Variants in KLF13 observed in about 807,000 individuals in gnomAD.
KLF13 encodes KLF transcription factor 13, also known as Krueppel-like factor 13.
A neutral mutation model predicts 16.7 loss-of-function variants in KLF13; 8 were observed. The ratio of observed to expected loss-of-function variants is 0.48; its 90% CI spans 0.28 to 0.87. KLF13 has a LOEUF of 0.87. KLF13 is among the 40% of genes least tolerant of loss of function. The pLI is 0.10. For synonymous variants in KLF13, 245 were observed against 208.4 expected (o/e 1.18, Z -1.51); for missense variants, 447 against 452.2 (o/e 0.99, Z 0.10).
At chr15:31,409,005 G>C (rs7182014), downstream of KLF13, among the ~76,000 whole-genome samples, 123,432 of 152,142 alleles carry the variant, frequency 0.81, 51,720 homozygotes, top group East Asian at 1. Context: ...AACAAACCAG[G>C]CAGGCATGGT....
At chr15:31,340,680 G>T (rs2039007299) in intron 1 of KLF13, among the ~76,000 whole-genome samples, 1 of 152,122 alleles carries the variant, frequency 6.6e-6, no homozygotes. Flanking sequence ...AATTGCTTGA[G>T]CCCAGAAGTT....
intron 1 of KLF13, among the ~76,000 whole-genome samples, chr15:31,329,742 A>G (rs1022298590): frequency 3.3e-5 from 5 of 152,238 alleles, no homozygotes; most frequent in African/African-American, 1.2e-4. Flanking sequence ...GCAGTGTGCT[A>G]CAGTGCTCGT....
chr15:31,365,859 T>A (rs1003091782), intron 1 of KLF13, among the ~76,000 whole-genome samples: 2 of 152,036 alleles, frequency 1.3e-5, no homozygotes, highest in African/African-American at 4.8e-5. Flanking sequence ...GATTGGGGGC[T>A]CAGCTGAAGG....
downstream of KLF13, among the ~76,000 whole-genome samples, chr15:31,381,381 C>T (rs1044369128): frequency 6.6e-6 from 1 of 152,144 alleles, no homozygotes; most frequent in Non-Finnish European, 1.5e-5. Flanking sequence ...AGGCCACCTA[C>T]GTTCCTTGGC....
At chr15:31,367,474 C>T (rs941542277) in intron 1 of KLF13, among the ~76,000 whole-genome samples, 3 of 152,214 alleles carry the variant, frequency 2.0e-5, no homozygotes, top group Non-Finnish European at 2.9e-5. Context: ...CCACTCCAGG[C>T]TGCCTGGCAC....
At chr15:31,334,996 G>T (rs1000877712) in intron 1 of KLF13, among the ~76,000 whole-genome samples, 1 of 152,180 alleles carries the variant, frequency 6.6e-6, no homozygotes, top group African/African-American at 2.4e-5. Context: ...GGGCACAGAA[G>T]AAATCCTCAC....
At position 31,432,697 on chromosome 15, in the gene KLF13, G is replaced by A. The variant is rs538899400; in HGVS notation, n.118-2673G>A. Reference sequence around the variant, plus strand: ...ACTCCTGGACTCAAGCGATCCTCTTGCCTTAACTTCCCAAAGTGCTGGCAT... The same window carrying A: ...ACTCCTGGACTCAAGCGATCCTCTTACCTTAACTTCCCAAAGTGCTGGCAT... On this transcript the variant is annotated intron_variant and non_coding_transcript_variant, in intron 1 of 1. Transcript: ENST00000558225. Among the ~76,000 whole-genome samples the A allele has an allele frequency of 5.9e-5, 9 of 152,038 alleles. No individual in the cohort carries two copies. In the East Asian group the frequency reaches 1.4e-3, roughly 23 times the overall value.
intron 1 of KLF13, among the ~76,000 whole-genome samples, chr15:31,365,283 C>A (rs1220805534): frequency 1.3e-5 from 2 of 152,236 alleles, no homozygotes; most frequent in East Asian, 3.8e-4. Context: ...CAGATACACA[C>A]CCACATGGAC....
chr15:31,354,365 A>G (rs957813063), intron 1 of KLF13, among the ~76,000 whole-genome samples: 2 of 152,108 alleles, frequency 1.3e-5, no homozygotes, highest in Non-Finnish European at 2.9e-5. Context: ...TTGTCCATAT[A>G]TTAATAGTTT....
In KLF13 at chr15:31,374,020, C is replaced by A. The variant is rs755477153; in HGVS notation, c.*1721C>A. The A allele has an allele frequency of 6.5e-6, 1 of 152,684 alleles. No homozygotes were observed. Among genetic ancestry groups the A allele is most frequent in the South Asian group, 2.1e-4 (1 of 4,828 alleles). The allele number at this position is 152,684 out of a possible 1,614,324, so 9.5% of individuals were successfully genotyped here. On this transcript the variant is annotated 3_prime_UTR_variant, in exon 2 of 2. Coordinates refer to ENST00000307145, the MANE Select transcript of KLF13 (RefSeq NM_015995.4). ...CCACAGATGGGCTTCCTGGGCCTAGCGTGCCTTGGTTGTGGCCATCCTGCT... is the reference window on the plus strand; with the variant it reads ...CCACAGATGGGCTTCCTGGGCCTAGAGTGCCTTGGTTGTGGCCATCCTGCT...
rs772228704 is a variant in KLF13, at chr15:31,327,664, T to G, written c.452T>G (p.Val151Gly). 4.7e-6 allele frequency: 7 copies of G among 1,497,582 alleles called. No individual in the cohort carries two copies. In the Admixed American group the frequency reaches 8.2e-5, roughly 18 times the overall value. The allele number at this position is 1,497,582 out of a possible 1,614,324, so 92.8% of individuals were successfully genotyped here. The part of the protein sequence containing the change: ...GSGEPGLRQR[V>G]RRGRSRADLE... ...GGCGAGCCCGGCCTCAGACAAAGGG[T>G]CCGGCGGGGCCGAAGTCGCGCCGAC... The change falls in exon 1 of 2, where the codon GTC becomes GGC. Residue 151 changes from valine to glycine, a missense_variant. By Grantham distance (109) the Val-to-Gly change is moderately radical. This residue lies in a region of KLF13 where 359 missense variants were observed against 282.8 expected (regional missense o/e 1.27). Coordinates refer to ENST00000307145, the MANE Select transcript of KLF13 (RefSeq NM_015995.4).
chr15:31,354,386 GT>G (rs1566813918), intron 1 of KLF13, among the ~76,000 whole-genome samples: 2 of 152,078 alleles, frequency 1.3e-5, no homozygotes, highest in South Asian at 4.1e-4. Flanking sequence ...TGTAATTTTT[GT>G]TTTTGTTTTT....
intron 1 of KLF13, 133 bp from the exon 2 acceptor site, chr15:31,371,877 G>C (rs2039559808): frequency 1.9e-6 from 2 of 1,028,110 alleles, no homozygotes; most frequent in African/African-American, 1.6e-5. Context: ...ATTTGTCACA[G>C]AAGCTCTTGG....
intron 1 of KLF13, among the ~76,000 whole-genome samples, chr15:31,386,076 CT>C (rs1285546807): frequency 6.6e-6 from 1 of 152,204 alleles, no homozygotes; most frequent in Non-Finnish European, 1.5e-5. Context: ...ACAACATTCC[CT>C]TTAGTCAAAG....
chr15:31,369,326 C>A (rs1316467144), intron 1 of KLF13, among the ~76,000 whole-genome samples: 4 of 152,212 alleles, frequency 2.6e-5, no homozygotes, highest in Non-Finnish European at 5.9e-5. Context: ...GTAAAGTTTG[C>A]TTCCATCAGC....
chr15:31,360,389 G>A (rs1015837679), intron 1 of KLF13, among the ~76,000 whole-genome samples: 4 of 152,200 alleles, frequency 2.6e-5, no homozygotes, highest in African/African-American at 9.7e-5. Context: ...CCTCTCCAAC[G>A]CACTTAGGCT....
intron 2 of KLF13, among the ~76,000 whole-genome samples, chr15:31,400,996 GATAA>G (rs1380596788): frequency 2.0e-5 from 3 of 149,626 alleles, no homozygotes; most frequent in South Asian, 2.1e-4. Flanking sequence ...CCCGTCGATA[GATAA>G]ATAAACAATT....
At chr15:31,353,412 T>TG (rs1016606303) in intron 1 of KLF13, among the ~76,000 whole-genome samples, 2 of 53,652 alleles carry the variant, frequency 3.7e-5, no homozygotes, top group African/African-American at 1.3e-4. Context: ...AGCCCCAGGT[T>TG]GGGGGGCCTG....
intron 1 of KLF13, among the ~76,000 whole-genome samples, chr15:31,415,538 C>A (rs1407532540): frequency 6.6e-6 from 1 of 151,824 alleles, no homozygotes; most frequent in Admixed American, 6.6e-5. Context: ...TCCTGAATAA[C>A]CAATAGGACA....
Sources: gnomAD v4.1 joint callset for allele counts (sites outside exome capture counted in the v4.1 genomes callset) on GRCh38, gnomAD v4.1.1 for gene constraint, gnomAD v4.1.1 regional missense constraint, MANE v1.5 for transcripts, NCBI Gene and HGNC (gene_info 2026-07-23, HGNC 2026-07-21) for gene names.